RFTN1: variants seen among roughly 807,000 people sequenced by gnomAD.
RFTN1 encodes the protein raftlin.
In RFTN1, 26 loss-of-function variants were observed where a neutral mutation model predicts 46.5. The observed-to-expected ratio is 0.56, with a 90% CI of 0.41 to 0.78. The LOEUF is 0.78. Ranked by LOEUF, RFTN1 falls within the 30% of genes least tolerant of loss-of-function variation. RFTN1 has a pLI of 0.00. For synonymous variants in RFTN1, 261 were observed against 284.2 expected (o/e 0.92, Z 0.82); for missense variants, 693 against 718.7 (o/e 0.96, Z 0.41).
chr3:16,331,790 G>A (rs2070340570), intron 7 of RFTN1, among the ~76,000 whole-genome samples: 1 of 152,090 alleles, frequency 6.6e-6, no homozygotes, highest in Admixed American at 6.5e-5. Flanking sequence ...CATTTTGCAG[G>A]AGCACATCCT....
At chr3:16,401,695 G>A (rs890226335) in intron 4 of RFTN1, among the ~76,000 whole-genome samples, 9 of 152,216 alleles carry the variant, frequency 5.9e-5, no homozygotes, top group Non-Finnish European at 8.8e-5. Flanking sequence ...CTTCACCACA[G>A]ATAGCGTGAG....
intron 8 of RFTN1, among the ~76,000 whole-genome samples, chr3:16,325,947 C>T (rs902689255): frequency 3.3e-5 from 5 of 152,210 alleles, no homozygotes; most frequent in Admixed American, 6.5e-5. Context: ...AGCAGAGAGA[C>T]GGCCTGCTCC....
intron 7 of RFTN1, chr3:16,339,939 T>C (rs1422337516): frequency 6.6e-6 from 1 of 152,266 alleles, no homozygotes; most frequent in Non-Finnish European, 1.5e-5. Context: ...CTGTAAATCA[T>C]GCCTAAAATG....
intron 1 of RFTN1, among the ~76,000 whole-genome samples, chr3:16,502,655 C>G (rs1348886525): frequency 6.6e-6 from 1 of 152,234 alleles, no homozygotes; most frequent in African/African-American, 2.4e-5. Flanking sequence ...TGAGGACACT[C>G]TATCAGCAGG....
rs1251077338 is a variant in RFTN1, at chr3:16,402,709, A to G, written c.441+6666T>C. Among the ~76,000 whole-genome samples the G allele has an allele frequency of 6.6e-6, 1 of 152,166 alleles. No homozygotes were observed. On this transcript the variant is annotated intron_variant, in intron 4 of 9. Transcript: ENST00000334133. The surrounding 1 kb of genome is among the most constrained non-coding windows in gnomAD (Gnocchi z 4.5). ...ATATTCTGTTTCATTAAAAGAAGCC[A>G]TTGAGATTTTTCCATCTGTCAAGGT...
Position 16,495,707 on chromosome 3 carries a change from C to T in RFTN1, c.-8-1830G>A, listed in dbSNP as rs545363696. On this transcript the variant is annotated intron_variant, in intron 1 of 9. Coordinates refer to ENST00000334133, the MANE Select transcript of RFTN1 (RefSeq NM_015150.2). ...GTGGTTTGGCAGGCCAGAGAGGCAG[C>T]GTGGGGTTTAGGGTGTCAGAGATCC... 2.6e-5 allele frequency among the ~76,000 whole-genome samples: 4 copies of T among 152,278 alleles called. No homozygotes were observed. The East Asian group carries it at 7.7e-4, about 29-fold the overall frequency.
chr3:16,331,292 AT>A (rs1159774449), intron 7 of RFTN1, among the ~76,000 whole-genome samples: 2 of 152,224 alleles, frequency 1.3e-5, no homozygotes, highest in Non-Finnish European at 2.9e-5. Flanking sequence ...TATTTTACTT[AT>A]CAGTTTTAGG....
rs1575098660 is a variant in RFTN1, at chr3:16,352,477, T to C, written c.1146+5455A>G. On this transcript the variant is annotated intron_variant, in intron 7 of 9. Coordinates refer to ENST00000334133, the MANE Select transcript of RFTN1 (RefSeq NM_015150.2). The surrounding 1 kb of genome is among the most constrained non-coding windows in gnomAD (Gnocchi z 4.6). ...GTAAACTCAAAGAAAGTAAACAAAA[T>C]ACCTGTTATAAATGCCCTATGGATA... Among the ~76,000 whole-genome samples, 1 of 152,356 alleles carries C rather than the reference T, an allele frequency of 6.6e-6. No homozygotes were observed. The highest frequency in any genetic ancestry group is 2.1e-4 in the South Asian group (1 of 4,828).
chr3:16,373,108 TG>T (rs2073595455), intron 5 of RFTN1, among the ~76,000 whole-genome samples: 1 of 152,192 alleles, frequency 6.6e-6, no homozygotes, highest in African/African-American at 2.4e-5. Context: ...GCCCCACGTT[TG>T]TTTAAATTTT....
In RFTN1 at chr3:16,474,476, A is replaced by C. The variant is rs1226421878; in HGVS notation, c.145+19249T>G. The stretch of plus-strand genomic sequence containing the variant: ...CCTCCCCCAAGATAAACAAAGGCTG[A>C]CCATGAGAAAGATACCAGTACACCC... On this transcript the variant is annotated intron_variant, in intron 2 of 9. Coordinates refer to ENST00000334133, the MANE Select transcript of RFTN1 (RefSeq NM_015150.2). The surrounding 1 kb of genome is among the most constrained non-coding windows in gnomAD (Gnocchi z 5.5). Among the ~76,000 whole-genome samples the C allele has an allele frequency of 6.6e-6, 1 of 152,192 alleles. No individual in the cohort carries two copies. The highest frequency in any genetic ancestry group is 1.5e-5 in the Non-Finnish European group (1 of 68,032).
chr3:16,511,345 T>C (rs1452321878), intron 1 of RFTN1, among the ~76,000 whole-genome samples: 1 of 152,176 alleles, frequency 6.6e-6, no homozygotes, highest in Non-Finnish European at 1.5e-5. Flanking sequence ...TACTAAAATG[T>C]TTAGGAATGA....
rs865852439 is a variant in RFTN1 at position 16,506,880 on chromosome 3, G to A, written c.-9+6562C>T. On this transcript the variant is annotated intron_variant, in intron 1 of 9. Transcript: ENST00000334133. The surrounding 1 kb of genome is among the most constrained non-coding windows in gnomAD (Gnocchi z 4.8). ...AAATACCTACTTAGCAGCATCTTTCGGGAATAGGAAAGACACTTATCTGGT... is the reference window on the plus strand; with the variant it reads ...AAATACCTACTTAGCAGCATCTTTCAGGAATAGGAAAGACACTTATCTGGT... Among the ~76,000 whole-genome samples the A allele has an allele frequency of 1.3e-5, 2 of 152,112 alleles. No homozygotes were observed. The highest frequency in any genetic ancestry group is 2.1e-4 in the South Asian group (1 of 4,828).
chr3:16,324,629 G>A (rs1380545400), intron 8 of RFTN1, among the ~76,000 whole-genome samples: 1 of 106,722 alleles, frequency 9.4e-6, no homozygotes, highest in African/African-American at 3.8e-5. Flanking sequence ...CCCCTTTTAA[G>A]GTTGCATAGT....
At chr3:16,454,577 A>G (rs1427629952) in intron 2 of RFTN1, among the ~76,000 whole-genome samples, 1 of 152,244 alleles carries the variant, frequency 6.6e-6, no homozygotes, top group Non-Finnish European at 1.5e-5. Flanking sequence ...CAATCAATTC[A>G]TAATGCCTGC....
rs2073692930 is a variant in RFTN1, at chr3:16,374,908, A to G, written c.826+2810T>C. Among the ~76,000 whole-genome samples, 1 of 152,146 alleles carries G rather than the reference A, an allele frequency of 6.6e-6. No individual in the cohort carries two copies. The highest frequency in any genetic ancestry group is 2.4e-5 in the African/African-American group (1 of 41,438). On this transcript the variant is annotated intron_variant, in intron 5 of 9. Coordinates refer to ENST00000334133, the MANE Select transcript of RFTN1 (RefSeq NM_015150.2). This position sits in a 1 kb window ranked among gnomAD's most constrained non-coding sequence, Gnocchi z 5.4. ...GGCGTGACGGCTGCACCGAGCCCGC[A>G]GAGATGGGGAGGGACGACCTGCCCC...
Position 16,335,523 on chromosome 3 carries a change from ACAC to A in RFTN1, c.1147-8650_1147-8648del, listed in dbSNP as rs2070756497. The stretch of plus-strand genomic sequence containing the variant: ...AACTAACGCAGGAACAGAAAATCAA[ACAC>A]CACATGTTCTCACTTACAAGTGGGA... On this transcript the variant is annotated intron_variant, in intron 7 of 9. Transcript: ENST00000334133. The surrounding 1 kb of genome is among the most constrained non-coding windows in gnomAD (Gnocchi z 4.7). Among the ~76,000 whole-genome samples the A allele has an allele frequency of 6.6e-6, 1 of 152,222 alleles. No individual in the cohort carries two copies. Among genetic ancestry groups the A allele is most frequent in the Non-Finnish European group, 1.5e-5 (1 of 68,048 alleles).
At position 16,507,682 on chromosome 3, in the gene RFTN1, A is replaced by AACACACACAT. The variant is rs1256047384; in HGVS notation, c.-9+5750_-9+5759dup. Among the ~76,000 whole-genome samples the AACACACACAT allele has an allele frequency of 6.6e-6, 1 of 151,154 alleles. No homozygotes were observed. Among genetic ancestry groups the AACACACACAT allele is most frequent in the African/African-American group, 2.4e-5 (1 of 41,060 alleles). On this transcript the variant is annotated intron_variant, in intron 1 of 9. Transcript: ENST00000334133. This position sits in a 1 kb window ranked among gnomAD's most constrained non-coding sequence, Gnocchi z 7.1. ...CATACATACACACACAATGCACATAAACACACACATACACACACATACATA... is the reference window on the plus strand; with the variant it reads ...CATACATACACACACAATGCACATAAACACACACATACACACACATACACACACATACATA...
In RFTN1 at chr3:16,513,688, T is replaced by TCCGGCTCCAGCCCCGACGCGCC. The variant is rs1693777602; in HGVS notation, c.-256_-255insGGCGCGTCGGGGCTGGAGCCGG. 3 of 149,946 alleles carry TCCGGCTCCAGCCCCGACGCGCC rather than the reference T, an allele frequency of 2.0e-5. No individual in the cohort carries two copies. The highest frequency in any genetic ancestry group is 1.3e-4 in the Admixed American group (2 of 14,998). 9.3% of individuals were successfully genotyped at this position (149,946 alleles called of 1,614,324 possible). A position where few individuals can be genotyped will look rare whatever the true frequency, so the allele number is the denominator to read the frequency against. On this transcript the variant is annotated 5_prime_UTR_variant, in exon 1 of 10. Transcript: ENST00000334133. This position sits in a 1 kb window ranked among gnomAD's most constrained non-coding sequence, Gnocchi z 5.4. ...TCGCTGCGCCCAGCGCCCGGCGCGC[T>TCCGGCTCCAGCCCCGACGCGCC]CCGGCTCCAGCCCCGACGCGCCCCC...
intron 4 of RFTN1, among the ~76,000 whole-genome samples, chr3:16,386,682 T>C (rs2074187405): frequency 6.6e-6 from 1 of 152,238 alleles, no homozygotes; most frequent in Non-Finnish European, 1.5e-5. Flanking sequence ...CATCATGACT[T>C]CTGAGCAAAG....
Sources: allele counts gnomAD v4.1 joint callset (sites outside exome capture counted in the v4.1 genomes callset), GRCh38; gene constraint gnomAD v4.1.1; non-coding constraint Gnocchi (gnomAD v3.1); transcripts MANE v1.5; gene names NCBI Gene and HGNC (gene_info 2026-07-23, HGNC 2026-07-21).